TUFT1: variants seen among roughly 807,000 people sequenced by gnomAD.
The protein encoded by TUFT1 is tuftelin.
TUFT1 carries 43 observed loss-of-function variants against 57.8 expected under a neutral mutation model. That is an observed-to-expected ratio of 0.74 (90% CI 0.58 to 0.96). The LOEUF is 0.96. TUFT1 is among the 40% of genes least tolerant of loss of function. The pLI, the probability that TUFT1 is intolerant of heterozygous loss-of-function variation, is 0.00. For synonymous variants in TUFT1, 166 were observed against 176.7 expected (o/e 0.94, Z 0.48); for missense variants, 459 against 489.0 (o/e 0.94, Z 0.58).
At chr1:151,573,497 C>A (rs1175268663) in intron 7 of TUFT1, among the ~76,000 whole-genome samples, 1 of 152,216 alleles carries the variant, frequency 6.6e-6, no homozygotes, top group Non-Finnish European at 1.5e-5. Context: ...GTAATCCCAG[C>A]ACTTTAGGAG....
At chr1:151,564,871 A>G in intron 5 of TUFT1, 1 of 294,096 alleles carries the variant, frequency 3.4e-6, no homozygotes, top group Non-Finnish European at 6.3e-6. Flanking sequence ...TTGAACTTAT[A>G]TAAATTAAAT....
chr1:151,543,325 A>ATG (rs1260643758), intron 1 of TUFT1, among the ~76,000 whole-genome samples: 40 of 83,336 alleles, frequency 4.8e-4, no homozygotes, highest in Admixed American at 1.9e-3. Context: ...AGTTATATAT[A>ATG]TATGTGTGTG....
intron 8 of TUFT1, 23 bp from the exon 9 acceptor site, chr1:151,574,888 A>G (rs1666402778): frequency 7.7e-6 from 12 of 1,552,154 alleles, no homozygotes; most frequent in Non-Finnish European, 1.0e-5. Context: ...CTCATCCTAG[A>G]TTTTCTTTTG....
chr1:151,543,464 G>A (rs1444765582), intron 1 of TUFT1, among the ~76,000 whole-genome samples: 2 of 151,766 alleles, frequency 1.3e-5, no homozygotes, highest in African/African-American at 4.8e-5. Context: ...GCAAATAAAA[G>A]AACAAATAAA....
At chr1:151,575,125 C>A in intron 9 of TUFT1, 120 bp downstream of exon 9, 2 of 875,452 alleles carry the variant, frequency 2.3e-6, no homozygotes, top group Non-Finnish European at 3.6e-6. Context: ...GATGTCAGAT[C>A]TTCCAGCTCT....
intron 1 of TUFT1, among the ~76,000 whole-genome samples, chr1:151,544,232 C>T (rs895279184): frequency 2.0e-5 from 3 of 152,040 alleles, no homozygotes; most frequent in Non-Finnish European, 4.4e-5. Context: ...CTTCCTGCCT[C>T]GGCCTCTCAA....
intron 9 of TUFT1, among the ~76,000 whole-genome samples, chr1:151,575,835 C>T (rs1319323441): frequency 6.6e-6 from 1 of 152,210 alleles, no homozygotes; most frequent in Non-Finnish European, 1.5e-5. Context: ...CCCTTCAGGG[C>T]CCCTCAGTCT....
In TUFT1 at chr1:151,564,562, G is replaced by C; in HGVS notation, c.362G>C (p.Ser121Thr). The C allele has an allele frequency of 6.2e-7, 1 of 1,614,190 alleles. No individual in the cohort carries two copies. The highest frequency in any genetic ancestry group is 8.5e-7 in the Non-Finnish European group (1 of 1,180,022). ...CTACAGAAGCTCCGGGAGGATATAA[G>C]TAGCAAGCTTGACAGGAACCTAGGA... ...NCLQKLREDI[S>T]SKLDRNLGDS... The change falls in exon 5 of 13, where the codon AGT becomes ACT. Residue 121 changes from serine (S) to threonine (T), a missense_variant. Physicochemically the swap from Ser to Thr is moderately conservative, Grantham distance 58. Transcript: ENST00000368849.
chr1:151,581,572 G>A (rs1318260046), intron 12 of TUFT1, 72 bp from the exon 13 acceptor site: 9 of 1,480,756 alleles, frequency 6.1e-6, no homozygotes, highest in African/African-American at 1.4e-5. Context: ...GAAGATTCCA[G>A]GGGCTCTGTG....
chr1:151,554,252 C>A (rs1306615733), intron 1 of TUFT1, among the ~76,000 whole-genome samples: 1 of 152,140 alleles, frequency 6.6e-6, no homozygotes, highest in Non-Finnish European at 1.5e-5. Flanking sequence ...CCACTAATAT[C>A]TTTTTTCTGA....
chr1:151,563,672 T>C (rs1385418215), intron 3 of TUFT1, among the ~76,000 whole-genome samples: 5 of 152,210 alleles, frequency 3.3e-5, no homozygotes, highest in African/African-American at 1.2e-4. Flanking sequence ...TTTATGCCAA[T>C]ACAGCTATAT....
intron 6 of TUFT1, among the ~76,000 whole-genome samples, chr1:151,567,302 C>T (rs1448127084): frequency 1.3e-5 from 2 of 152,130 alleles, no homozygotes; most frequent in African/African-American, 4.8e-5. Flanking sequence ...TATTCTCAAC[C>T]TCTTGGGCTC....
chr1:151,545,948 GTTTC>G (rs1401773114), intron 1 of TUFT1: 1 of 458,670 alleles, frequency 2.2e-6, no homozygotes, highest in African/African-American at 2.1e-5. Flanking sequence ...TGCTGCTCTG[GTTTC>G]TTTAAGTAAT....
Position 151,578,285 on chromosome 1 carries a change from T to C in TUFT1, c.819-436T>C, listed in dbSNP as rs12031503. Among the ~76,000 whole-genome samples, 4,445 of 151,586 alleles carry C rather than the reference T, an allele frequency of 0.029. 526 individuals carry two copies. The East Asian group carries it at 0.33, about 11-fold the overall frequency. ...CCTCAGTTTCCTCTCTTAGACTAGG[T>C]GATCCCTGATGATGCTTCCAATGTA... On this transcript the variant is annotated intron_variant, in intron 9 of 12. Coordinates refer to ENST00000368849, the MANE Select transcript of TUFT1 (RefSeq NM_020127.3).
Position 151,562,625 on chromosome 1 carries a change from CT to C in TUFT1, c.177del (p.Gly60ValfsTer23). ...KTYAMVSSHS[A>X]GHSLASELVE... ...TATGCCATGGTGTCCAGCCACTCAG[CT>C]GGTCATTCTCTGGCTTCAGAACTGG... On this transcript the variant is annotated frameshift_variant, in exon 3 of 13. Transcript: ENST00000368849. LOFTEE classifies it high-confidence loss of function. 1 of 1,612,988 alleles carries C rather than the reference CT, an allele frequency of 6.2e-7. No homozygotes were observed. Among genetic ancestry groups the C allele is most frequent in the Non-Finnish European group, 8.5e-7 (1 of 1,180,018 alleles).
At chr1:151,572,137 G>A (rs1356214192) in intron 7 of TUFT1, among the ~76,000 whole-genome samples, 1 of 152,206 alleles carries the variant, frequency 6.6e-6, no homozygotes, top group East Asian at 1.9e-4. Flanking sequence ...GGAGGTGGAG[G>A]CTGCAGTGAG....
intron 1 of TUFT1, among the ~76,000 whole-genome samples, chr1:151,549,857 G>A (rs781006008): frequency 8.5e-5 from 13 of 152,150 alleles, no homozygotes; most frequent in Non-Finnish European, 1.5e-4. Context: ...TAGTAGCTGG[G>A]ACTGCAGGTG....
intron 1 of TUFT1, among the ~76,000 whole-genome samples, chr1:151,548,447 C>T (rs901253443): frequency 2.6e-5 from 4 of 151,962 alleles, no homozygotes; most frequent in East Asian, 1.9e-4. Context: ...GAGCTACAGG[C>T]GTGCGCCACC....
At chr1:151,552,900 A>G (rs937773469) in intron 1 of TUFT1, among the ~76,000 whole-genome samples, 1 of 152,106 alleles carries the variant, frequency 6.6e-6, no homozygotes, top group Non-Finnish European at 1.5e-5. Context: ...GATTTGAAAA[A>G]GTATAGGCAG....
Sources: gnomAD v4.1 joint callset for allele counts (sites outside exome capture counted in the v4.1 genomes callset) on GRCh38, gnomAD v4.1.1 for gene constraint, MANE v1.5 for transcripts, NCBI Gene and HGNC (gene_info 2026-07-23, HGNC 2026-07-21) for gene names.